PCDHGB7: variants seen among roughly 807,000 people sequenced by gnomAD.
PCDHGB7 encodes the protein protocadherin gamma-B7.
Under a neutral mutation model 61.4 loss-of-function variants are expected in PCDHGB7, and 37 were observed. The ratio of observed to expected loss-of-function variants is 0.60; its 90% CI spans 0.46 to 0.79. The LOEUF is 0.79. Ranked by LOEUF, PCDHGB7 falls within the 30% of genes least tolerant of loss-of-function variation. PCDHGB7 has a pLI of 0.00. For synonymous variants in PCDHGB7, 464 were observed against 503.5 expected (o/e 0.92, Z 1.05); for missense variants, 1,166 against 1,202.5 (o/e 0.97, Z 0.45).
In PCDHGB7 at chr5:141,418,305, G is replaced by T; in HGVS notation, c.446G>T (p.Gly149Val). Reference protein sequence around the residue: ...NLEISESVSLGMGTILESAED... With the variant: ...NLEISESVSLVMGTILESAED... ...GAAATCAGTGAATCCGTCAGCCTGG[G>T]GATGGGAACAATTCTTGAGTCTGCA... is the stretch of plus-strand genomic sequence containing the variant. Residue 149 changes from glycine to valine, a missense_variant, in exon 1 of 4, where the codon GGG becomes GTG. Transcript: ENST00000398594. 1 of 1,614,026 alleles carries T rather than the reference G, an allele frequency of 6.2e-7. No individual in the cohort carries two copies. The highest frequency in any genetic ancestry group is 1.1e-5 in the South Asian group (1 of 91,088).
intron 1 of PCDHGB7, among the ~76,000 whole-genome samples, chr5:141,455,425 A>G (rs2098822334): frequency 1.3e-5 from 2 of 152,168 alleles, no homozygotes; most frequent in African/African-American, 2.4e-5. Flanking sequence ...CGGGGCTCCA[A>G]AAGAGGAGGT....
Position 141,485,549 on chromosome 5 carries a change from G to A in PCDHGB7, c.2416-9258G>A. 6.2e-7 allele frequency: 1 copy of A among 1,614,030 alleles called. No homozygotes were observed. The highest frequency in any genetic ancestry group is 1.1e-5 in the South Asian group (1 of 91,068). On this transcript the variant is annotated intron_variant, in intron 1 of 3. Transcript: ENST00000398594. The surrounding 1 kb of genome is among the most constrained non-coding windows in gnomAD (Gnocchi z 5.7). ...CCGAGCAGAGGTAGAGATCGTAGATGTGAATGATCACGCCCCCCGTTTTCC... is the reference window on the plus strand; with the variant it reads ...CCGAGCAGAGGTAGAGATCGTAGATATGAATGATCACGCCCCCCGTTTTCC...
Position 141,489,791 on chromosome 5 carries a change from C to G in PCDHGB7, c.2416-5016C>G. ...AGCCACTTCTCTCTGAATGTGAAGA[C>G]CCTAAAAGATGGGAAGCCATTCCCA... On this transcript the variant is annotated intron_variant, in intron 1 of 3. Transcript: ENST00000398594. The surrounding 1 kb of genome is among the most constrained non-coding windows in gnomAD (Gnocchi z 4.5). 2 of 1,614,174 alleles carry G rather than the reference C, an allele frequency of 1.2e-6. No individual in the cohort carries two copies. The highest frequency in any genetic ancestry group is 1.7e-6 in the Non-Finnish European group (2 of 1,180,002).
chr5:141,492,077 C>G (rs917149790), intron 1 of PCDHGB7: 1 of 483,342 alleles, frequency 2.1e-6, no homozygotes, highest in African/African-American at 2.0e-5. Context: ...GGCGCCGGCT[C>G]CGGCACGCTT....
In PCDHGB7 at chr5:141,419,741, A is replaced by G. The variant is rs769795920; in HGVS notation, c.1882A>G (p.Met628Val). The change falls in exon 1 of 4, where the codon ATG becomes GTG. Residue 628 changes from methionine to valine, a missense_variant. By Grantham distance (21) the Met-to-Val change is conservative. Transcript: ENST00000398594. The stretch of plus-strand genomic sequence containing the variant: ...GGGGCTGCGAACAGGCGAGGTGCGC[A>G]TGGTGCGTGCTTTGGGTGACAAGGA... ...SLGLRTGEVR[M>V]VRALGDKDSV... The G allele has an allele frequency of 6.2e-7, 1 of 1,613,856 alleles. No individual in the cohort carries two copies.
chr5:141,430,395 A>C (rs1461176471), intron 1 of PCDHGB7, among the ~76,000 whole-genome samples: 1 of 152,096 alleles, frequency 6.6e-6, no homozygotes, highest in Non-Finnish European at 1.5e-5. Context: ...AAAAAAAAAA[A>C]AGCTCACTAA....
chr5:141,469,753 T>C (rs564585597), intron 1 of PCDHGB7, among the ~76,000 whole-genome samples: 1 of 152,322 alleles, frequency 6.6e-6, no homozygotes, highest in East Asian at 1.9e-4. Flanking sequence ...ATTACAAAAA[T>C]ACATATATAC....
At position 141,489,664 on chromosome 5, in the gene PCDHGB7, A is replaced by G. The variant is rs745597010; in HGVS notation, c.2416-5143A>G. On this transcript the variant is annotated intron_variant, in intron 1 of 3. Transcript: ENST00000398594. The surrounding 1 kb of genome is among the most constrained non-coding windows in gnomAD (Gnocchi z 4.5). ...TGCCACCCCTGAGCGAGAGATGCGCATCTCAGAATCAGCAGCATCTGGGGC... is the reference window on the plus strand; with the variant it reads ...TGCCACCCCTGAGCGAGAGATGCGCGTCTCAGAATCAGCAGCATCTGGGGC... 1 of 1,614,106 alleles carries G rather than the reference A, an allele frequency of 6.2e-7. No homozygotes were observed. The highest frequency in any genetic ancestry group is 8.5e-7 in the Non-Finnish European group (1 of 1,180,050).
Position 141,440,827 on chromosome 5 carries a change from A to G in PCDHGB7, c.2415+20553A>G, listed in dbSNP as rs570022849. 7 of 152,196 alleles carry G rather than the reference A, an allele frequency of 4.6e-5. 1 individual carries two copies. The highest frequency in any genetic ancestry group is 1.4e-4 in the African/African-American group (6 of 41,526). 9.4% of individuals were successfully genotyped at this position (152,196 alleles called of 1,614,324 possible). A position where few individuals can be genotyped will look rare whatever the true frequency, so the allele number is the denominator to read the frequency against. ...GCAGCATCACTCAACTCCTGATCCT[A>G]TTGGTTGAAGCCAATGACAACCCTG... On this transcript the variant is annotated intron_variant, in intron 1 of 3. Transcript: ENST00000398594.
intron 2 of PCDHGB7, among the ~76,000 whole-genome samples, chr5:141,502,496 C>T (rs934563545): frequency 2.0e-5 from 3 of 152,178 alleles, no homozygotes; most frequent in Admixed American, 6.5e-5. Context: ...ACTCATCTAA[C>T]GTCGGCCTGT....
At chr5:141,422,911 G>A (rs375046528) in intron 1 of PCDHGB7, 5 of 1,614,118 alleles carry the variant, frequency 3.1e-6, no homozygotes, top group African/African-American at 2.7e-5. Flanking sequence ...CAATGCGCCC[G>A]AGATCCTGTA....
chr5:141,482,890 G>C (rs577635020), intron 1 of PCDHGB7, among the ~76,000 whole-genome samples: 10 of 152,274 alleles, frequency 6.6e-5, no homozygotes, highest in African/African-American at 2.4e-4. Flanking sequence ...TGGCCAACAT[G>C]GTGAAACCTC....
At chr5:141,482,852 A>G (rs1237049208) in intron 1 of PCDHGB7, among the ~76,000 whole-genome samples, 1 of 144,420 alleles carries the variant, frequency 6.9e-6, no homozygotes, top group Non-Finnish European at 1.5e-5. Flanking sequence ...TGGGCAGATC[A>G]CTTGAGGTCA....
intron 2 of PCDHGB7, among the ~76,000 whole-genome samples, chr5:141,497,487 T>TCTCTCTCTC (rs1223198472): frequency 1.3e-5 from 2 of 151,562 alleles, no homozygotes; most frequent in Non-Finnish European, 2.9e-5. Flanking sequence ...GCGGAACCTC[T>TCTCTCTCTC]CTCTCTCTCC....
At chr5:141,497,540 C>T (rs866982821) in intron 2 of PCDHGB7, among the ~76,000 whole-genome samples, 5 of 134,944 alleles carry the variant, frequency 3.7e-5, no homozygotes, top group African/African-American at 1.1e-4. Context: ...TGCAACAAAC[C>T]TTTTTTTTTT....
Position 141,487,767 on chromosome 5 carries a change from T to G in PCDHGB7, c.2416-7040T>G, listed in dbSNP as rs2099665569. The G allele has an allele frequency of 5.2e-6, 8 of 1,538,298 alleles. No homozygotes were observed. The African/African-American group carries it at 9.6e-5, about 18-fold the overall frequency. On this transcript the variant is annotated intron_variant, in intron 1 of 3. Transcript: ENST00000398594. This position sits in a 1 kb window ranked among gnomAD's most constrained non-coding sequence, Gnocchi z 5.0. ...GGTAACTATGTGGTAGACGCTGTGC[T>G]TTGTAACTGTTTCGTGAATTAACCA... is the stretch of plus-strand genomic sequence containing the variant.
chr5:141,479,490 G>A (rs1334340000), intron 1 of PCDHGB7: 1 of 152,248 alleles, frequency 6.6e-6, no homozygotes, highest in Non-Finnish European at 1.5e-5. Context: ...AGGACCATCA[G>A]GTTGCCTAAA....
At position 141,432,432 on chromosome 5, in the gene PCDHGB7, A is replaced by G. The variant is rs1431760497; in HGVS notation, c.2415+12158A>G. On this transcript the variant is annotated intron_variant, in intron 1 of 3. Transcript: ENST00000398594. This position sits in a 1 kb window ranked among gnomAD's most constrained non-coding sequence, Gnocchi z 6.0. ...CTGTTCGTGCTGGACCAGAACGACA[A>G]TGCGCCCGAGATCCTGTACCCCGCC... The G allele has an allele frequency of 2.5e-6, 4 of 1,614,156 alleles. No homozygotes were observed. Among genetic ancestry groups the G allele is most frequent in the Non-Finnish European group, 3.4e-6 (4 of 1,180,028 alleles).
chr5:141,503,781 G>A (rs1393561411), intron 2 of PCDHGB7, among the ~76,000 whole-genome samples: 1 of 152,110 alleles, frequency 6.6e-6, no homozygotes, highest in East Asian at 1.9e-4. Flanking sequence ...TTCTTAGGCT[G>A]AGTTCATCTA....
Sources: allele counts gnomAD v4.1 joint callset (sites outside exome capture counted in the v4.1 genomes callset), GRCh38; gene constraint gnomAD v4.1.1; non-coding constraint Gnocchi (gnomAD v3.1); transcripts MANE v1.5; gene names NCBI Gene and HGNC (gene_info 2026-07-23, HGNC 2026-07-21).